Variants in CYP2B6 observed in about 807,000 individuals in gnomAD.
CYP2B6 encodes cytochrome P450 2B6.
CYP2B6 carries 35 observed loss-of-function variants against 43.4 expected under a neutral mutation model. The observed-to-expected ratio is 0.81, with a 90% CI of 0.62 to 1.07. The LOEUF is 1.07. CYP2B6 is among the 50% of genes least tolerant of loss of function. The pLI is 0.00. For synonymous variants in CYP2B6, 239 were observed against 239.2 expected (o/e 1.00, Z 0.01); for missense variants, 624 against 632.8 (o/e 0.99, Z 0.15).
rs144979955 is a variant in CYP2B6 at position 41,005,281 on chromosome 19, G to A, written c.484+835G>A. Reference sequence around the variant, plus strand: ...TGAGACATGTAGGTGAAGGGTCTCTGGCTAGCACCTCCATCTCATTCATGC... The same window carrying A: ...TGAGACATGTAGGTGAAGGGTCTCTAGCTAGCACCTCCATCTCATTCATGC... On this transcript the variant is annotated intron_variant, in intron 3 of 8. Coordinates refer to ENST00000324071, the MANE Select transcript of CYP2B6 (RefSeq NM_000767.5). Among the ~76,000 whole-genome samples, 98 of 152,076 alleles carry A rather than the reference G, an allele frequency of 6.4e-4. 1 individual carries two copies. Among genetic ancestry groups the A allele is most frequent in the African/African-American group, 2.3e-3 (97 of 41,458 alleles).
At chr19:41,001,068 C>T (rs1322036210) in intron 1 of CYP2B6, among the ~76,000 whole-genome samples, 1 of 151,774 alleles carries the variant, frequency 6.6e-6, no homozygotes, top group Admixed American at 6.6e-5. Flanking sequence ...AACAAACAAA[C>T]AAACAAAATT....
intron 4 of CYP2B6, chr19:41,007,746 C>T (rs1383895940): frequency 6.6e-6 from 1 of 152,372 alleles, no homozygotes; most frequent in African/African-American, 2.4e-5. Context: ...CTGCCTCAGC[C>T]TCCTGTAGCT....
rs1449181317 is a variant in CYP2B6, at chr19:41,016,759, C to G, written c.1408C>G (p.Leu470Val). The change falls in exon 9 of 9, where the codon CTG becomes GTG. Residue 470 changes from leucine (L) to valine (V), a missense_variant. Coordinates refer to ENST00000324071, the MANE Select transcript of CYP2B6 (RefSeq NM_000767.5). ...ASPVAPEDID[L>V]TPQECGVGKI... ...CCCCGTGGCCCCAGAAGACATCGAT[C>G]TGACACCCCAGGAGTGTGGTGTGGG... The G allele has an allele frequency of 2.5e-6, 4 of 1,614,120 alleles. No individual in the cohort carries two copies. The highest frequency in any genetic ancestry group is 1.7e-6 in the Non-Finnish European group (2 of 1,180,052).
rs755570515 is a variant in CYP2B6 at position 41,004,052 on chromosome 19, G to A, written c.223G>A (p.Val75Met). 9 of 1,613,874 alleles carry A rather than the reference G, an allele frequency of 5.6e-6. No individual in the cohort carries two copies. Among genetic ancestry groups the A allele is most frequent in the South Asian group, 2.2e-5 (2 of 91,068 alleles). ...VFTVHLGPRP[V>M]VMLCGVEAIR... ...CACGGTACACCTGGGACCGAGGCCC[G>A]TGGTCATGCTGTGTGGAGTAGAGGC... Residue 75 changes from valine to methionine, a missense_variant, in exon 2 of 9, where the codon GTG becomes ATG. Physicochemically the swap from Val to Met is conservative, Grantham distance 21 (BLOSUM62 1). Transcript: ENST00000324071.
chr19:41,004,832 T>C (rs146105463), intron 3 of CYP2B6, among the ~76,000 whole-genome samples: 201 of 151,724 alleles, frequency 1.3e-3, no homozygotes, highest in African/African-American at 4.7e-3. Flanking sequence ...CTACACAATA[T>C]AGAAAAGAAG....
At chr19:41,016,609 G>A in intron 8 of CYP2B6, 37 bp from the exon 9 acceptor site, 1 of 1,611,824 alleles carries the variant, frequency 6.2e-7, no homozygotes, top group Non-Finnish European at 8.5e-7. Flanking sequence ...GTATGCACCT[G>A]CCCTGTGCCC....
chr19:40,995,308 G>A (rs1393960289), intron 1 of CYP2B6, among the ~76,000 whole-genome samples: 1 of 152,148 alleles, frequency 6.6e-6, no homozygotes, highest in Non-Finnish European at 1.5e-5. Context: ...AGTTCTAGGA[G>A]TCTAGAAGGG....
chr19:40,999,121 C>T (rs1969041762), intron 1 of CYP2B6, among the ~76,000 whole-genome samples: 4 of 151,544 alleles, frequency 2.6e-5, no homozygotes, highest in South Asian at 2.1e-4. Flanking sequence ...GCCATTCTAA[C>T]TGGTGTGAGA....
Position 41,004,071 on chromosome 19 carries a change from T to C in CYP2B6, c.242T>C (p.Val81Ala), listed in dbSNP as rs138912615. 1.9e-6 allele frequency: 3 copies of C among 1,613,110 alleles called. No homozygotes were observed. The highest frequency in any genetic ancestry group is 2.5e-6 in the Non-Finnish European group (3 of 1,179,902). Residue 81 changes from valine to alanine, a missense_variant, in exon 2 of 9, where the codon GTA becomes GCA. By Grantham distance (64) the Val-to-Ala change is moderately conservative. Transcript: ENST00000324071. ...AGGCCCGTGGTCATGCTGTGTGGAG[T>C]AGAGGCCATACGGGAGGCCCTTGTG... ...GPRPVVMLCG[V>A]EAIREALVDK...
intron 8 of CYP2B6, among the ~76,000 whole-genome samples, chr19:41,016,078 A>G (rs1332689138): frequency 3.3e-5 from 5 of 152,038 alleles, no homozygotes; most frequent in Admixed American, 3.3e-4. Flanking sequence ...TGGAACTGTA[A>G]CAGAAGCTAG....
intron 8 of CYP2B6, among the ~76,000 whole-genome samples, chr19:41,014,379 C>T (rs1969329493): frequency 6.6e-6 from 1 of 151,774 alleles, no homozygotes; most frequent in Non-Finnish European, 1.5e-5. Flanking sequence ...GATCACAGCT[C>T]ACTGCAACCT....
intron 8 of CYP2B6, among the ~76,000 whole-genome samples, chr19:41,015,249 C>T (rs757616812): frequency 1.3e-5 from 2 of 152,056 alleles, no homozygotes; most frequent in African/African-American, 2.4e-5. Flanking sequence ...ATGGGGAGGG[C>T]GTGATGAGAG....
intron 1 of CYP2B6, among the ~76,000 whole-genome samples, chr19:41,001,764 C>G (rs1448867689): frequency 2.0e-5 from 3 of 152,060 alleles, no homozygotes. Context: ...GCATCTTGGA[C>G]AAGACATACG....
At chr19:40,994,196 G>C (rs1407208926) in intron 1 of CYP2B6, among the ~76,000 whole-genome samples, 3 of 152,100 alleles carry the variant, frequency 2.0e-5, no homozygotes, top group Non-Finnish European at 4.4e-5. Context: ...TTTTAACTAT[G>C]GGAGGTATTA....
rs750970786 is a variant in CYP2B6, at chr19:41,017,047, T to C, written c.*220T>C. 14 of 411,698 alleles carry C rather than the reference T, an allele frequency of 3.4e-5. No individual in the cohort carries two copies. Among genetic ancestry groups the C allele is most frequent in the East Asian group, 8.1e-5 (2 of 24,622 alleles). 25.5% of individuals were successfully genotyped at this position (411,698 alleles called of 1,614,324 possible). Reference sequence around the variant, plus strand: ...ATATACAAAATCATATATATATATATGTTCTTGTTTTTTGAGACAGAGTCT... The same window carrying C: ...ATATACAAAATCATATATATATATACGTTCTTGTTTTTTGAGACAGAGTCT... On this transcript the variant is annotated 3_prime_UTR_variant, in exon 9 of 9. Transcript: ENST00000324071.
intron 3 of CYP2B6, 117 bp from the exon 4 acceptor site, chr19:41,006,788 G>T: frequency 1.1e-6 from 1 of 939,460 alleles, no homozygotes; most frequent in Non-Finnish European, 1.7e-6. Flanking sequence ...TAGCTGTTAC[G>T]GTTATTCTCA....
At chr19:41,006,817 G>A (rs1172799812) in intron 3 of CYP2B6, 88 bp from the exon 4 acceptor site, 31 of 1,226,752 alleles carry the variant, frequency 2.5e-5, no homozygotes, top group Non-Finnish European at 3.5e-5. Context: ...ATTACTGAGT[G>A]ATGGCAGACA....
chr19:41,010,714 G>T (rs1969270629), intron 6 of CYP2B6, among the ~76,000 whole-genome samples: 1 of 152,094 alleles, frequency 6.6e-6, no homozygotes, highest in Non-Finnish European at 1.5e-5. Flanking sequence ...TAATGGTCAA[G>T]TTTGGGCTGT....
intron 1 of CYP2B6, among the ~76,000 whole-genome samples, chr19:40,994,126 A>T (rs1291781195): frequency 6.6e-6 from 1 of 152,086 alleles, no homozygotes; most frequent in Admixed American, 6.5e-5. Context: ...CTGAACAGAA[A>T]CCAACTTATC....
Sources: allele counts gnomAD v4.1 joint callset (sites outside exome capture counted in the v4.1 genomes callset), GRCh38; gene constraint gnomAD v4.1.1; transcripts MANE v1.5; gene names NCBI Gene and HGNC (gene_info 2026-07-23, HGNC 2026-07-21).